Variants in LRCH1 observed in about 807,000 individuals in gnomAD.
The protein encoded by LRCH1 is leucine-rich repeat and calponin homology domain-containing protein 1.
LRCH1 carries 23 observed loss-of-function variants against 94.9 expected under a neutral mutation model. The ratio of observed to expected loss-of-function variants is 0.24; its 90% CI spans 0.17 to 0.34. LRCH1 has a LOEUF of 0.34. Among genes scored for constraint, LRCH1 ranks in the 10% least tolerant of loss-of-function variants. The pLI is 1.00. For synonymous variants in LRCH1, 364 were observed against 354.9 expected (o/e 1.03, Z -0.29); for missense variants, 790 against 945.9 (o/e 0.84, Z 2.16).
chr13:46,562,922 C>T lies in LRCH1; in HGVS notation c.307+9219C>T, dbSNP rs147404172. ...ATATACACTTACAAATGGATGACTCCGGCTCATCTGGACCCCTCCTCCATC... is the reference window on the plus strand; with the variant it reads ...ATATACACTTACAAATGGATGACTCTGGCTCATCTGGACCCCTCCTCCATC... On this transcript the variant is annotated intron_variant, in intron 1 of 19. Coordinates refer to ENST00000389797, the MANE Select transcript of LRCH1 (RefSeq NM_001164211.2). 2.0e-4 allele frequency among the ~76,000 whole-genome samples: 31 copies of T among 152,260 alleles called. No individual in the cohort carries two copies. In the East Asian group the frequency reaches 3.7e-3, roughly 18 times the overall value.
At chr13:46,648,932 T>G (rs2051257058) in intron 1 of LRCH1, among the ~76,000 whole-genome samples, 1 of 152,124 alleles carries the variant, frequency 6.6e-6, no homozygotes, top group South Asian at 2.1e-4. Context: ...TTGGTCTATT[T>G]ATAAGGTGAA....
chr13:46,588,992 G>T (rs937861476), intron 1 of LRCH1, among the ~76,000 whole-genome samples: 1 of 151,846 alleles, frequency 6.6e-6, no homozygotes, highest in Non-Finnish European at 1.5e-5. Flanking sequence ...TTGCTGAACA[G>T]TTTGAGATTA....
At chr13:46,650,061 C>A in intron 1 of LRCH1, 140 bp from the exon 2 acceptor site, 1 of 532,196 alleles carries the variant, frequency 1.9e-6, no homozygotes, top group Non-Finnish European at 3.2e-6. Flanking sequence ...AATCACAGTG[C>A]TGTAGTAACA....
chr13:46,627,939 A>T (rs767477434), intron 1 of LRCH1, among the ~76,000 whole-genome samples: 1 of 152,166 alleles, frequency 6.6e-6, no homozygotes, highest in Non-Finnish European at 1.5e-5. Flanking sequence ...TGAAAACCTC[A>T]TGTTCTACAA....
At chr13:46,669,576 G>C (rs929370166) in intron 3 of LRCH1, among the ~76,000 whole-genome samples, 1 of 152,078 alleles carries the variant, frequency 6.6e-6, no homozygotes, top group African/African-American at 2.4e-5. Context: ...TGATTCTGTC[G>C]AGATTTTAGA....
chr13:46,650,310 C>G lies in LRCH1; in HGVS notation c.417C>G (p.Ile139Met), dbSNP rs201744827. The G allele has an allele frequency of 1.7e-5, 27 of 1,604,466 alleles. No homozygotes were observed. Among genetic ancestry groups the G allele is most frequent in the African/African-American group, 2.7e-5 (2 of 74,628 alleles). Residue 139 changes from isoleucine to methionine, a missense_variant, in exon 2 of 20, where the codon ATC becomes ATG. Transcript: ENST00000389797. ...GTATCAGAGTCATTCCTGAGGCCAT[C>G]GTTAATCTGCAGATGCTGACTTACC... ...HNCIRVIPEA[I>M]VNLQMLTYLN...
At chr13:46,588,493 A>C (rs1462551924) in intron 1 of LRCH1, among the ~76,000 whole-genome samples, 3 of 152,140 alleles carry the variant, frequency 2.0e-5, no homozygotes, top group African/African-American at 7.2e-5. Flanking sequence ...TAAAATGTTA[A>C]ATGTGGAAAA....
chr13:46,612,250 T>G (rs1469739142), intron 1 of LRCH1, among the ~76,000 whole-genome samples: 5 of 152,152 alleles, frequency 3.3e-5, no homozygotes, highest in African/African-American at 1.2e-4. Context: ...TTATTAGTTA[T>G]GCAATGAAAT....
At position 46,553,227 on chromosome 13, in the gene LRCH1, T is replaced by TG; in HGVS notation, c.-170_-169insG. ...TCAAGACCGAGCTGCCACGGCCGCC[T>TG]CCCCGCCCGCCCCCCATTCTACGCG... On this transcript the variant is annotated 5_prime_UTR_variant, in exon 1 of 20. Coordinates refer to ENST00000389797, the MANE Select transcript of LRCH1 (RefSeq NM_001164211.2). The TG allele has an allele frequency of 6.0e-5, 25 of 414,374 alleles. No individual in the cohort carries two copies. The highest frequency in any genetic ancestry group is 2.8e-4 in the East Asian group (5 of 17,580). The allele number at this position is 414,374 out of a possible 1,614,324, so 25.7% of individuals were successfully genotyped here. A position where few individuals can be genotyped will look rare whatever the true frequency, so the allele number is the denominator to read the frequency against.
At chr13:46,582,537 T>A (rs1188051004) in intron 1 of LRCH1, among the ~76,000 whole-genome samples, 2 of 149,262 alleles carry the variant, frequency 1.3e-5, no homozygotes, top group Non-Finnish European at 3.0e-5. Flanking sequence ...CCTGCTGGAG[T>A]GCAGTGACAC....
intron 16 of LRCH1, among the ~76,000 whole-genome samples, chr13:46,721,670 C>G (rs182859463): frequency 2.6e-4 from 40 of 152,306 alleles, no homozygotes; most frequent in Admixed American, 1.4e-3. Flanking sequence ...GACAGCCCTC[C>G]TGTGACTGCC....
Position 46,650,242 on chromosome 13 carries a change from T to A in LRCH1, c.349T>A (p.Cys117Ser). The A allele has an allele frequency of 6.2e-7, 1 of 1,612,870 alleles. No individual in the cohort carries two copies. Among genetic ancestry groups the A allele is most frequent in the East Asian group, 2.2e-5 (1 of 44,802 alleles). Residue 117 changes from cysteine (C) to serine (S), a missense_variant, in exon 2 of 20, where the codon TGC becomes AGC. Around this residue, in one of 3 missense-constraint regions of LRCH1, gnomAD observed 194 missense variants for 293.5 expected, o/e 0.66. Coordinates refer to ENST00000389797, the MANE Select transcript of LRCH1 (RefSeq NM_001164211.2). ...NRLVEVPMEL[C>S]HFVSLEILNL... Reference sequence around the variant, plus strand: ...ACTGGTTGAAGTTCCAATGGAATTGTGCCATTTTGTATCACTGGAAATTCT... The same window carrying A: ...ACTGGTTGAAGTTCCAATGGAATTGAGCCATTTTGTATCACTGGAAATTCT...
chr13:46,689,102 A>G (rs755889239), intron 6 of LRCH1, 31 bp from the exon 7 acceptor site: 10 of 1,529,192 alleles, frequency 6.5e-6, no homozygotes, highest in Middle Eastern at 1.7e-4. Flanking sequence ...TCTTTTTTAA[A>G]TGAATTCAAT....
intron 1 of LRCH1, among the ~76,000 whole-genome samples, chr13:46,590,695 A>T (rs1379095196): frequency 6.6e-6 from 1 of 152,128 alleles, no homozygotes; most frequent in Non-Finnish European, 1.5e-5. Flanking sequence ...AATAAATAAA[A>T]GTCTCATCTT....
rs764729207 is a variant in LRCH1, at chr13:46,669,106, C to G, written c.529C>G (p.Leu177Val). 1.9e-6 allele frequency: 3 copies of G among 1,614,144 alleles called. No homozygotes were observed. The Admixed American group carries it at 5.0e-5, about 27-fold the overall frequency. ...AGTCTTAATCGCAAGTAACAACAAA[C>G]TTGGATCATTACCAGAAGAGATAGG... Reference protein sequence around the residue: ...LKVLIASNNKLGSLPEEIGQL... With the variant: ...LKVLIASNNKVGSLPEEIGQL... Residue 177 changes from leucine to valine, a missense_variant, in exon 3 of 20, where the codon CTT becomes GTT. Coordinates refer to ENST00000389797, the MANE Select transcript of LRCH1 (RefSeq NM_001164211.2).
At chr13:46,609,913 G>A (rs540638921) in intron 1 of LRCH1, among the ~76,000 whole-genome samples, 8 of 152,140 alleles carry the variant, frequency 5.3e-5, no homozygotes, top group Non-Finnish European at 1.0e-4. Context: ...CATTGGAAGC[G>A]TTAAACAAGT....
At chr13:46,556,773 A>G (rs1298509169) in intron 1 of LRCH1, among the ~76,000 whole-genome samples, 1 of 152,098 alleles carries the variant, frequency 6.6e-6, no homozygotes, top group Non-Finnish European at 1.5e-5. Context: ...AGCAGAGGGA[A>G]GGGGTTGAGA....
At chr13:46,608,843 T>G (rs2050715918) in intron 1 of LRCH1, among the ~76,000 whole-genome samples, 1 of 152,244 alleles carries the variant, frequency 6.6e-6, no homozygotes, top group South Asian at 2.1e-4. Context: ...TTTACAGAAA[T>G]TTAAGTTTCT....
chr13:46,730,511 C>T (rs1029747885), intron 18 of LRCH1, among the ~76,000 whole-genome samples: 2 of 152,160 alleles, frequency 1.3e-5, no homozygotes, highest in Admixed American at 6.5e-5. Context: ...CTCTTGACAG[C>T]AGGAAAAATT....
Sources: gnomAD v4.1 joint callset for allele counts (sites outside exome capture counted in the v4.1 genomes callset) on GRCh38, gnomAD v4.1.1 for gene constraint, gnomAD v4.1.1 regional missense constraint, MANE v1.5 for transcripts, NCBI Gene and HGNC (gene_info 2026-07-23, HGNC 2026-07-21) for gene names.